SLIT3: variants seen among roughly 807,000 people sequenced by gnomAD.
SLIT3 encodes slit guidance ligand 3.
A neutral mutation model predicts 184.0 loss-of-function variants in SLIT3; 68 were observed. That is an observed-to-expected ratio of 0.37 (90% CI 0.30 to 0.45). SLIT3 has a LOEUF of 0.45. SLIT3 is among the 20% of genes least tolerant of loss of function. The probability of loss-of-function intolerance (pLI) is 1.00; values close to 1 mark genes in which losing one functional copy is unlikely to be tolerated. For missense variants in SLIT3, 1,707 were observed against 2,026.0 expected (o/e 0.84, Z 3.02); for synonymous variants, 831 against 828.6 (o/e 1.00, Z -0.05).
intron 4 of SLIT3, among the ~76,000 whole-genome samples, chr5:169,077,941 C>T (rs1758811895): frequency 6.6e-6 from 1 of 151,936 alleles, no homozygotes; most frequent in South Asian, 2.1e-4. Context: ...TCTCTACACA[C>T]AGCCAGTTTG....
chr5:169,009,025 T>A (rs1470449362), intron 4 of SLIT3, among the ~76,000 whole-genome samples: 2 of 152,164 alleles, frequency 1.3e-5, no homozygotes, highest in African/African-American at 4.8e-5. Context: ...GGGCTGGGAT[T>A]TGAACCAAGG....
At chr5:169,128,594 A>C (rs1761171956) in intron 4 of SLIT3, among the ~76,000 whole-genome samples, 1 of 151,824 alleles carries the variant, frequency 6.6e-6, no homozygotes, top group South Asian at 2.1e-4. Context: ...ACGCCTGGCT[A>C]ATGTTTTTGT....
chr5:169,040,832 C>T (rs996731911), intron 4 of SLIT3, among the ~76,000 whole-genome samples: 3 of 152,212 alleles, frequency 2.0e-5, no homozygotes, highest in Non-Finnish European at 2.9e-5. Flanking sequence ...CAATAGGCAT[C>T]GGCCCATTGC....
At chr5:168,946,984 T>G (rs1457094874) in intron 4 of SLIT3, among the ~76,000 whole-genome samples, 2 of 152,156 alleles carry the variant, frequency 1.3e-5, no homozygotes, top group Admixed American at 1.3e-4. Context: ...ATGGTGAATG[T>G]ATGGGGGTGT....
intron 1 of SLIT3, among the ~76,000 whole-genome samples, chr5:169,254,236 G>A (rs1194206229): frequency 6.6e-6 from 1 of 152,166 alleles, no homozygotes; most frequent in African/African-American, 2.4e-5. Flanking sequence ...GTTAGAAATG[G>A]GAATGGATTA....
At chr5:168,716,839 G>A (rs1422129416) in intron 23 of SLIT3, among the ~76,000 whole-genome samples, 2 of 150,780 alleles carry the variant, frequency 1.3e-5, no homozygotes, top group African/African-American at 2.5e-5. Context: ...CGATGGGGAA[G>A]CAGGTAGAAT....
At chr5:169,255,925 G>A (rs1467821696) in intron 1 of SLIT3, among the ~76,000 whole-genome samples, 6 of 152,196 alleles carry the variant, frequency 3.9e-5, no homozygotes, top group African/African-American at 1.4e-4. Flanking sequence ...ATTTACTATT[G>A]AAGAAATGTA....
At chr5:169,076,623 T>C (rs1197158893) in intron 4 of SLIT3, among the ~76,000 whole-genome samples, 2 of 152,040 alleles carry the variant, frequency 1.3e-5, no homozygotes, top group Non-Finnish European at 2.9e-5. Context: ...AGAGAGAGGG[T>C]GGAAGAAATT....
chr5:168,836,960 A>C (rs1758071969), intron 6 of SLIT3, among the ~76,000 whole-genome samples: 1 of 152,312 alleles, frequency 6.6e-6, no homozygotes, highest in South Asian at 2.1e-4. Flanking sequence ...TGGAAAAAAA[A>C]AATTTAGATT....
chr5:169,059,020 A>G (rs1286752737), intron 4 of SLIT3, among the ~76,000 whole-genome samples: 3 of 152,204 alleles, frequency 2.0e-5, no homozygotes, highest in Non-Finnish European at 2.9e-5. Flanking sequence ...AGAGTTTGCC[A>G]AGGGAGCTGA....
intron 4 of SLIT3, among the ~76,000 whole-genome samples, chr5:169,043,875 A>T (rs1431198549): frequency 1.3e-5 from 2 of 152,252 alleles, no homozygotes; most frequent in African/African-American, 2.4e-5. Context: ...CTGGGAGCTC[A>T]AGATTGGGAT....
Position 168,748,291 on chromosome 5 carries a change from G to C in SLIT3, c.2270+11C>G, listed in dbSNP as rs764764511. ...ATGACAGGGTGCTTGGAGGCAGCTGGGGGTACTTACAGCTCGGTCACATCC... is the reference window on the plus strand; with the variant it reads ...ATGACAGGGTGCTTGGAGGCAGCTGCGGGTACTTACAGCTCGGTCACATCC... On this transcript the variant is annotated intron_variant, in intron 20 of 35. Transcript: ENST00000519560. The C allele has an allele frequency of 1.4e-6, 2 of 1,460,010 alleles. No homozygotes were observed. The highest frequency in any genetic ancestry group is 3.0e-5 in the South Asian group (2 of 67,178). The allele number at this position is 1,460,010 out of a possible 1,614,324, so 90.4% of individuals were successfully genotyped here.
intron 4 of SLIT3, among the ~76,000 whole-genome samples, chr5:168,944,961 A>G (rs1172347645): frequency 2.6e-5 from 4 of 152,166 alleles, no homozygotes; most frequent in Non-Finnish European, 5.9e-5. Context: ...CTGATGAAAT[A>G]GAGATGAGTA....
intron 6 of SLIT3, among the ~76,000 whole-genome samples, chr5:168,831,060 C>G (rs528689984): frequency 3.3e-5 from 5 of 152,098 alleles, no homozygotes; most frequent in Non-Finnish European, 7.3e-5. Context: ...GGAGAGGCAA[C>G]GCAGGACAGA....
chr5:168,760,467 C>A (rs1452095396), intron 16 of SLIT3, among the ~76,000 whole-genome samples: 1 of 152,176 alleles, frequency 6.6e-6, no homozygotes, highest in Non-Finnish European at 1.5e-5. Context: ...CATTTGAAAA[C>A]AGACATTTAA....
At chr5:168,905,277 C>T (rs1482439467) in intron 4 of SLIT3, among the ~76,000 whole-genome samples, 1 of 152,186 alleles carries the variant, frequency 6.6e-6, no homozygotes, top group African/African-American at 2.4e-5. Context: ...CCTTTTTCCT[C>T]CTCCATGTTG....
At chr5:169,065,274 C>A (rs1441320874) in intron 4 of SLIT3, among the ~76,000 whole-genome samples, 1 of 152,142 alleles carries the variant, frequency 6.6e-6, no homozygotes, top group Non-Finnish European at 1.5e-5. Flanking sequence ...TCAGTATTCA[C>A]CTTGGTGGCA....
At chr5:168,855,373 T>C (rs1758826845) in intron 5 of SLIT3, among the ~76,000 whole-genome samples, 1 of 152,200 alleles carries the variant, frequency 6.6e-6, no homozygotes, top group African/African-American at 2.4e-5. Flanking sequence ...CCTAGGGATA[T>C]AGCCAAAAGA....
chr5:168,840,137 G>A (rs763397634), intron 6 of SLIT3, among the ~76,000 whole-genome samples: 9 of 152,254 alleles, frequency 5.9e-5, no homozygotes, highest in Non-Finnish European at 1.0e-4. Context: ...AGCACACGCC[G>A]GTTATCTATG....
Sources: gnomAD v4.1 joint callset for allele counts (sites outside exome capture counted in the v4.1 genomes callset) on GRCh38, gnomAD v4.1.1 for gene constraint, MANE v1.5 for transcripts, NCBI Gene and HGNC (gene_info 2026-07-23, HGNC 2026-07-21) for gene names.